LRRK1: variants seen among roughly 807,000 people sequenced by gnomAD.
The protein encoded by LRRK1 is leucine rich repeat kinase 1.
In LRRK1, 113 loss-of-function variants were observed where a neutral mutation model predicts 209.1. That is an observed-to-expected ratio of 0.54 (90% confidence interval 0.46 to 0.63). The LOEUF is 0.63. Among genes scored for constraint, LRRK1 ranks in the 30% least tolerant of loss-of-function variants. The pLI, the probability that LRRK1 is intolerant of heterozygous loss-of-function variation, is 0.00. For synonymous variants in LRRK1, 1,144 were observed against 1,099.7 expected, an observed-to-expected ratio of 1.04 and a Z score of -0.80; for missense variants, 2,284 against 2,632.2, an observed-to-expected ratio of 0.87 and a Z score of 2.89.
chr15:100,949,326 A>G (rs1763318725), intron 2 of LRRK1, among the ~76,000 whole-genome samples: 1 of 152,230 alleles, frequency 6.6e-6, no homozygotes, highest in South Asian at 2.1e-4. Flanking sequence ...TGACTCAAGA[A>G]GAAGTAGAAA....
chr15:100,967,871 A>C (rs2030572420), intron 2 of LRRK1, among the ~76,000 whole-genome samples: 3 of 152,228 alleles, frequency 2.0e-5, no homozygotes, highest in Admixed American at 2.0e-4. Context: ...AGTATGGACT[A>C]AGGTTCAATA....
At chr15:100,941,803 T>C (rs974323764) in intron 2 of LRRK1, among the ~76,000 whole-genome samples, 7 of 152,150 alleles carry the variant, frequency 4.6e-5, no homozygotes, top group Non-Finnish European at 1.0e-4. Context: ...ACTTTCTCTT[T>C]AGCCCACATC....
rs369331582 is a variant in LRRK1, at chr15:101,025,962, C to T, written c.2233-3C>T. 1.2e-6 allele frequency: 2 copies of T among 1,614,036 alleles called. No homozygotes were observed. The highest frequency in any genetic ancestry group is 2.2e-5 in the East Asian group (1 of 44,882). Reference sequence around the variant, plus strand: ...TACTCAGCCGTGGGGTTCTCTGTTGCAGGCCAAGGCCCCAAACGCCGTGGT... The same window carrying T: ...TACTCAGCCGTGGGGTTCTCTGTTGTAGGCCAAGGCCCCAAACGCCGTGGT... On this transcript the variant is annotated splice_region_variant and splice_polypyrimidine_tract_variant and intron_variant, in intron 16 of 33. Coordinates refer to ENST00000388948, the MANE Select transcript of LRRK1 (RefSeq NM_024652.6).
At chr15:100,920,046 C>CGCA (rs1448430931) in intron 1 of LRRK1, 1 of 152,482 alleles carries the variant, frequency 6.6e-6, no homozygotes, top group Admixed American at 6.5e-5. Context: ...CTCTGGCTGG[C>CGCA]GCAGATACAA....
At chr15:101,004,558 C>A (rs943405231) in intron 6 of LRRK1, among the ~76,000 whole-genome samples, 1 of 152,114 alleles carries the variant, frequency 6.6e-6, no homozygotes, top group Admixed American at 6.5e-5. Flanking sequence ...GTCCGGGTTC[C>A]GGTTGGCCAT....
rs537106268 is a variant in LRRK1 at position 101,062,900 on chromosome 15, G to A, written c.4914+210G>A. Among the ~76,000 whole-genome samples, 20 of 152,286 alleles carry A rather than the reference G, an allele frequency of 1.3e-4. No homozygotes were observed. In the South Asian group the frequency reaches 3.7e-3, roughly 28 times the overall value. ...TGCAAAAACCTAAGTCAAGTCCCCA[G>A]CCAGACTGCAGGCCGAATGAAAAAC... On this transcript the variant is annotated intron_variant, in intron 31 of 33. Coordinates refer to ENST00000388948, the MANE Select transcript of LRRK1 (RefSeq NM_024652.6).
chr15:100,994,485 A>G (rs2032307885), intron 6 of LRRK1, among the ~76,000 whole-genome samples: 1 of 152,202 alleles, frequency 6.6e-6, no homozygotes, highest in African/African-American at 2.4e-5. Flanking sequence ...TGTAAGGGTA[A>G]AAGCAGAAAC....
At chr15:100,951,877 G>A (rs1003442343) in intron 2 of LRRK1, among the ~76,000 whole-genome samples, 7 of 151,636 alleles carry the variant, frequency 4.6e-5, no homozygotes, top group Non-Finnish European at 7.4e-5. Flanking sequence ...GCTTGAACGC[G>A]GGAGGCAGAG....
chr15:100,979,653 T>C (rs2031491031), intron 3 of LRRK1, among the ~76,000 whole-genome samples: 1 of 152,156 alleles, frequency 6.6e-6, no homozygotes, highest in Non-Finnish European at 1.5e-5. Context: ...AGCTACAGAC[T>C]GAGAGAGGTA....
At chr15:101,020,976 A>T (rs1335540046) in intron 12 of LRRK1, 77 bp from the exon 13 acceptor site, 1 of 1,560,702 alleles carries the variant, frequency 6.4e-7, no homozygotes, top group East Asian at 2.2e-5. Context: ...GCATCAGTTT[A>T]TACGCCCACC....
In LRRK1 at chr15:101,065,167, G is replaced by T. The variant is rs1350531083; in HGVS notation, c.4915-185G>T. 3 of 638,208 alleles carry T rather than the reference G, an allele frequency of 4.7e-6. No homozygotes were observed. In the African/African-American group the frequency reaches 5.5e-5, roughly 12 times the overall value. 39.5% of individuals were successfully genotyped at this position (638,208 alleles called of 1,614,324 possible). On this transcript the variant is annotated intron_variant, in intron 31 of 33. Transcript: ENST00000388948. ...CAGGGATGGTAGATATGGCTCTGCG[G>T]AGTCAGAGCTGCACTTCTTTAGGAG...
chr15:100,937,034 T>A (rs549782298), intron 2 of LRRK1, among the ~76,000 whole-genome samples: 1 of 152,250 alleles, frequency 6.6e-6, no homozygotes, highest in African/African-American at 2.4e-5. Context: ...TGGTGCTTTT[T>A]AATGGGTAGA....
intron 10 of LRRK1, 98 bp downstream of exon 10, chr15:101,012,243 T>A: frequency 9.2e-7 from 1 of 1,092,478 alleles, no homozygotes; most frequent in Admixed American, 2.4e-5. Flanking sequence ...GCTTCTGAGA[T>A]AAATATAAGG....
At chr15:101,062,715 T>G (rs767421195) in intron 31 of LRRK1, 25 bp downstream of exon 31, 3 of 1,533,704 alleles carry the variant, frequency 2.0e-6, no homozygotes, top group East Asian at 4.5e-5. Context: ...AAGGCAGGTA[T>G]GCAGGTCTCT....
intron 20 of LRRK1, among the ~76,000 whole-genome samples, chr15:101,036,630 A>C (rs897106296): frequency 2.0e-5 from 3 of 152,100 alleles, no homozygotes; most frequent in South Asian, 2.1e-4. Context: ...ATTAGGCTGT[A>C]TGGCTGGAGA....
At chr15:100,940,528 G>C (rs1440258886) in intron 2 of LRRK1, among the ~76,000 whole-genome samples, 2 of 152,136 alleles carry the variant, frequency 1.3e-5, no homozygotes, top group African/African-American at 4.8e-5. Flanking sequence ...CTTCAACGGT[G>C]TCTCTGCTCT....
In LRRK1 at chr15:101,077,888, ACG is replaced by A. The variant is rs1396960170; in HGVS notation, c.*9042_*9043del. The A allele has an allele frequency of 3.3e-5, 5 of 152,302 alleles. No individual in the cohort carries two copies. The highest frequency in any genetic ancestry group is 1.2e-4 in the African/African-American group (5 of 41,454). The allele number at this position is 152,302 out of a possible 1,614,324, so 9.4% of individuals were successfully genotyped here. On this transcript the variant is annotated 3_prime_UTR_variant, in exon 34 of 34. Coordinates refer to ENST00000388948, the MANE Select transcript of LRRK1 (RefSeq NM_024652.6). The stretch of plus-strand genomic sequence containing the variant: ...AGCCATCGCATCCCCTGTGACCTGC[ACG>A]CATATATAAGCCCAGATGGCCTGAA...
Position 101,015,346 on chromosome 15 carries a change from C to A in LRRK1, c.1553C>A (p.Thr518Lys). The A allele has an allele frequency of 6.2e-7, 1 of 1,613,748 alleles. No homozygotes were observed. Among genetic ancestry groups the A allele is most frequent in the East Asian group, 2.2e-5 (1 of 44,852 alleles). The stretch of plus-strand genomic sequence containing the variant: ...CCCAGAAATGAAGATGGACTGAAAA[C>A]GAAGCGTATTGCCTTTTTCACCACC... ...QLGKNEDGLK[T>K]KRIAFFTTRG... The change falls in exon 12 of 34, where the codon ACG becomes AAG. Residue 518 changes from threonine (T) to lysine (K), a missense_variant. Around this residue, in one of 6 missense-constraint regions of LRRK1, gnomAD observed 494 missense variants for 522.1 expected, o/e 0.95. Transcript: ENST00000388948.
chr15:101,053,280 G>A lies in LRRK1; in HGVS notation c.3914G>A (p.Arg1305Gln), dbSNP rs2035584057. The change falls in exon 26 of 34, where the codon CGG (arginine) becomes CAG (glutamine). Residue 1305 changes from arginine to glutamine, a missense_variant. By Grantham distance (43) the Arg-to-Gln change is conservative. Around this residue, in one of 6 missense-constraint regions of LRRK1, gnomAD observed 780 missense variants for 985.2 expected, o/e 0.79. Coordinates refer to ENST00000388948, the MANE Select transcript of LRRK1 (RefSeq NM_024652.6). ...GCCATGAAGAACTTCTCCGAGTTCC[G>A]GCAGGAGGCCAGCATGCTGCACGCG... ...TDAMKNFSEF[R>Q]QEASMLHALQ... 1.9e-6 allele frequency: 3 copies of A among 1,606,656 alleles called. No homozygotes were observed. The highest frequency in any genetic ancestry group is 1.7e-5 in the Admixed American group (1 of 60,006).
Sources: allele counts gnomAD v4.1 joint callset (sites outside exome capture counted in the v4.1 genomes callset), GRCh38; gene constraint gnomAD v4.1.1; regional missense constraint gnomAD v4.1.1; transcripts MANE v1.5; gene names NCBI Gene and HGNC (gene_info 2026-07-23, HGNC 2026-07-21).